VWF: variants seen among roughly 807,000 people sequenced by gnomAD.
The protein encoded by VWF is von Willebrand factor.
A neutral mutation model predicts 308.6 loss-of-function variants in VWF; 176 were observed. That is an observed-to-expected ratio of 0.57 (90% CI 0.50 to 0.65). VWF has a LOEUF of 0.65. Among genes scored for constraint, VWF ranks in the 30% least tolerant of loss-of-function variants. The pLI is 0.00. For missense variants in VWF, 3,146 were observed against 3,648.2 expected, an observed-to-expected ratio of 0.86 and a Z score of 3.55; for synonymous variants, 1,385 against 1,443.4, an observed-to-expected ratio of 0.96 and a Z score of 0.92.
At chr12:5,991,795 G>T in intron 38 of VWF, 24 bp downstream of exon 38, 1 of 1,612,576 alleles carries the variant, frequency 6.2e-7, no homozygotes, top group Non-Finnish European at 8.5e-7. Context: ...AGCCCCATGG[G>T]AAGTGAAAGG....
At chr12:6,113,416 G>A (rs1399611510) in intron 3 of VWF, among the ~76,000 whole-genome samples, 2 of 151,286 alleles carry the variant, frequency 1.3e-5, no homozygotes, top group Non-Finnish European at 2.9e-5. Context: ...TCCTGCCTCA[G>A]CCTCCCGAGT....
At chr12:6,057,771 T>A in intron 14 of VWF, 78 bp downstream of exon 14, 14 of 1,483,912 alleles carry the variant, frequency 9.4e-6, no homozygotes, top group Non-Finnish European at 1.3e-5. Context: ...GTGGGAGCAC[T>A]GCCTCCGGAA....
Position 6,019,860 on chromosome 12 carries a change from C to T in VWF, c.3675-117G>A, listed in dbSNP as rs977714170. ...CAGAATCTCCTCTGTTCCACCTGAA[C>T]TTGAGATCCCATGGACCATTCCACA... On this transcript the variant is annotated intron_variant, in intron 27 of 51. Transcript: ENST00000261405. This position sits in a 1 kb window ranked among gnomAD's most constrained non-coding sequence, Gnocchi z 5.8. 1 of 1,200,436 alleles carries T rather than the reference C, an allele frequency of 8.3e-7. No homozygotes were observed. 74.4% of individuals were successfully genotyped at this position (1,200,436 alleles called of 1,614,324 possible).
At chr12:6,099,867 G>A (rs1180597559) in intron 5 of VWF, among the ~76,000 whole-genome samples, 1 of 152,146 alleles carries the variant, frequency 6.6e-6, no homozygotes, top group Non-Finnish European at 1.5e-5. Context: ...AAAAGCAATG[G>A]CAACGAAAGC....
chr12:5,967,547 A>C lies in VWF; in HGVS notation c.7826T>G (p.Val2609Gly), dbSNP rs764771186. 5.6e-6 allele frequency: 9 copies of C among 1,613,924 alleles called. No individual in the cohort carries two copies. In the African/African-American group the frequency reaches 1.2e-4, roughly 22 times the overall value. ...VCTTCRCMVQ[V>G]GVISGFKLEC... The stretch of plus-strand genomic sequence containing the variant: ...CAGCTTGAATCCAGAGATGACCCCC[A>C]CCTGCACCATGCAGCGGCAGGTCGT... The change falls in exon 47 of 52, where the codon GTG (valine) becomes GGG (glycine). Residue 2609 changes from valine to glycine, a missense_variant. Transcript: ENST00000261405.
chr12:6,052,592 C>T lies in VWF; in HGVS notation c.2137G>A (p.Gly713Ser), dbSNP rs1418751948. 1.9e-6 allele frequency: 3 copies of T among 1,614,124 alleles called. No homozygotes were observed. Among genetic ancestry groups the T allele is most frequent in the East Asian group, 2.2e-5 (1 of 44,894 alleles). Residue 713 changes from glycine to serine, a missense_variant, in exon 16 of 52, where the codon GGT (glycine) becomes AGT (serine). By Grantham distance (56) the Gly-to-Ser change is moderately conservative. Coordinates refer to ENST00000261405, the MANE Select transcript of VWF (RefSeq NM_000552.5). ...PKAQCPCYYD[G>S]EIFQPEDIFS... The stretch of plus-strand genomic sequence containing the variant: ...ATGTCTTCTGGCTGGAAGATCTCAC[C>T]GTCATAGTAACAGGGGCACTGGGCC...
rs761133732 is a variant in VWF at position 6,019,111 on chromosome 12, T to C, written c.4307A>G (p.Lys1436Arg). 11 of 1,613,894 alleles carry C rather than the reference T, an allele frequency of 6.8e-6. No homozygotes were observed. The highest frequency in any genetic ancestry group is 4.2e-6 in the Non-Finnish European group (5 of 1,179,838). Reference sequence around the variant, plus strand: ...ATCCACACTGCTCAGCACGAAGGCCTTGTTCTCAGGGGCCTGCTTCTCGAT... The same window carrying C: ...ATCCACACTGCTCAGCACGAAGGCCCTGTTCTCAGGGGCCTGCTTCTCGAT... ...RLIEKQAPEN[K>R]AFVLSSVDEL... is the part of the protein sequence containing the mutation. The change falls in exon 28 of 52, where the codon AAG becomes AGG. Residue 1436 changes from lysine to arginine, a missense_variant. Physicochemically the swap from Lys to Arg is conservative, Grantham distance 26. Coordinates refer to ENST00000261405, the MANE Select transcript of VWF (RefSeq NM_000552.5). The surrounding 1 kb of genome is among the most constrained non-coding windows in gnomAD (Gnocchi z 5.8).
chr12:6,029,337 C>G lies in VWF; in HGVS notation c.2967+5G>C. On this transcript the variant is annotated splice_donor_5th_base_variant and intron_variant, in intron 22 of 51. Coordinates refer to ENST00000261405, the MANE Select transcript of VWF (RefSeq NM_000552.5). The stretch of plus-strand genomic sequence containing the variant: ...CCAACAAGATGAAGCAAGAAAGCCA[C>G]TGACCTGGTATGTCTGCTTCAGGAC... 1 of 1,614,100 alleles carries G rather than the reference C, an allele frequency of 6.2e-7. No individual in the cohort carries two copies. Among genetic ancestry groups the G allele is most frequent in the Non-Finnish European group, 8.5e-7 (1 of 1,180,042 alleles).
intron 16 of VWF, among the ~76,000 whole-genome samples, chr12:6,047,643 A>G (rs966932465): frequency 1.3e-5 from 2 of 152,240 alleles, no homozygotes; most frequent in African/African-American, 4.8e-5. Context: ...AACTGACTGC[A>G]TATTTTTATA....
At chr12:6,108,334 T>TATATATACACACAC (rs374693235) in intron 5 of VWF, among the ~76,000 whole-genome samples, 3 of 124,158 alleles carry the variant, frequency 2.4e-5, no homozygotes, top group Non-Finnish European at 3.4e-5. Flanking sequence ...AAGAAATATA[T>TATATATACACACAC]ACACACACAC....
intron 6 of VWF, among the ~76,000 whole-genome samples, chr12:6,093,951 G>A (rs912730020): frequency 1.3e-5 from 2 of 152,200 alleles, no homozygotes; most frequent in Non-Finnish European, 2.9e-5. Context: ...GTGGCAACAG[G>A]GCTCTGTGGA....
intron 16 of VWF, 52 bp downstream of exon 16, chr12:6,052,491 C>T: frequency 1.2e-6 from 2 of 1,613,712 alleles, no homozygotes; most frequent in African/African-American, 1.3e-5. Context: ...GTCCCGTTTT[C>T]CTCCCCAGCT....
intron 3 of VWF, among the ~76,000 whole-genome samples, chr12:6,118,153 T>C (rs1044031631): frequency 2.0e-5 from 3 of 151,996 alleles, no homozygotes; most frequent in Non-Finnish European, 4.4e-5. Context: ...TGGGCTCAAA[T>C]AGGGGAAGGG....
intron 42 of VWF, among the ~76,000 whole-genome samples, chr12:5,979,711 C>T (rs10849370): frequency 0.076 from 11,456 of 149,804 alleles, 631 homozygotes; most frequent in East Asian, 0.25. Context: ...GATCGTGCCA[C>T]TGCACTCCAA....
Position 5,971,273 on chromosome 12 carries a change from G to A in VWF, c.7548+326C>T, listed in dbSNP as rs1188123222. ...TGGTCCAGAACAGTACTTGCAGCCT[G>A]TGGCACTTTGGAGGGGTGGTGAGGC... is the stretch of plus-strand genomic sequence containing the variant. On this transcript the variant is annotated intron_variant, in intron 44 of 51. Coordinates refer to ENST00000261405, the MANE Select transcript of VWF (RefSeq NM_000552.5). Among the ~76,000 whole-genome samples the A allele has an allele frequency of 2.6e-5, 4 of 152,370 alleles. No individual in the cohort carries two copies. In the East Asian group the frequency reaches 5.8e-4, roughly 22 times the overall value.
chr12:5,974,946 T>C (rs1166642256), intron 43 of VWF, among the ~76,000 whole-genome samples: 1 of 152,226 alleles, frequency 6.6e-6, no homozygotes, highest in Admixed American at 6.5e-5. Flanking sequence ...ACGAAATATA[T>C]TGGTTGTCAA....
intron 47 of VWF, among the ~76,000 whole-genome samples, chr12:5,957,428 T>G (rs912950628): frequency 3.3e-5 from 5 of 152,160 alleles, no homozygotes; most frequent in African/African-American, 1.2e-4. Flanking sequence ...TCCAGGAAAC[T>G]ATGAATCCAA....
At chr12:6,123,288 A>T (rs1195505965) in intron 1 of VWF, 92 bp from the exon 2 acceptor site, 1 of 1,418,152 alleles carries the variant, frequency 7.1e-7, no homozygotes, top group African/African-American at 1.4e-5. Flanking sequence ...TAGCAAAAAC[A>T]TTTCTTTAAA....
In VWF at chr12:6,058,855, C is replaced by T. The variant is rs956161671; in HGVS notation, c.1534-811G>A. On this transcript the variant is annotated intron_variant, in intron 13 of 51. Coordinates refer to ENST00000261405, the MANE Select transcript of VWF (RefSeq NM_000552.5). The surrounding 1 kb of genome is among the most constrained non-coding windows in gnomAD (Gnocchi z 4.9). ...CGGGAACAACCAGCAGAGTGGAGCC[C>T]GCCCTTCCCCCACACAGCTGGGGGC... Among the ~76,000 whole-genome samples the T allele has an allele frequency of 6.6e-6, 1 of 152,192 alleles. No homozygotes were observed. Among genetic ancestry groups the T allele is most frequent in the Non-Finnish European group, 1.5e-5 (1 of 68,034 alleles).
Sources: gnomAD v4.1 joint callset for allele counts (sites outside exome capture counted in the v4.1 genomes callset) on GRCh38, gnomAD v4.1.1 for gene constraint, Gnocchi (gnomAD v3.1) non-coding constraint, MANE v1.5 for transcripts, NCBI Gene and HGNC (gene_info 2026-07-23, HGNC 2026-07-21) for gene names.